Variants in SMARCC1 observed in about 807,000 individuals in gnomAD.
SMARCC1 encodes SWI/SNF complex subunit SMARCC1.
SMARCC1 carries 43 observed loss-of-function variants against 147.4 expected under a neutral mutation model. That is an observed-to-expected ratio of 0.29 (90% confidence interval 0.23 to 0.38). The LOEUF is 0.38. Ranked by LOEUF, SMARCC1 falls within the 10% of genes least tolerant of loss-of-function variation. The pLI, the probability that SMARCC1 is intolerant of heterozygous loss-of-function variation, is 1.00. For missense variants in SMARCC1, 1,119 were observed against 1,381.1 expected, an observed-to-expected ratio of 0.81 and a Z score of 3.01; for synonymous variants, 495 against 484.4, an observed-to-expected ratio of 1.02 and a Z score of -0.29.
chr3:47,701,186 A>G, intron 11 of SMARCC1, 92 bp downstream of exon 11: 1 of 1,053,560 alleles, frequency 9.5e-7, no homozygotes, highest in Non-Finnish European at 1.4e-6. Context: ...AAAGTCGAGA[A>G]CTGTGGACCC....
chr3:47,602,857 T>C (rs927025774), intron 26 of SMARCC1, among the ~76,000 whole-genome samples: 3 of 152,166 alleles, frequency 2.0e-5, no homozygotes, highest in Admixed American at 6.5e-5. Context: ...TTATTACAAA[T>C]GCCTAGGACG....
rs2034249756 is a variant in SMARCC1, at chr3:47,722,880, G to C, written c.647-2145C>G. Among the ~76,000 whole-genome samples, 4 of 152,166 alleles carry C rather than the reference G, an allele frequency of 2.6e-5. No homozygotes were observed. In the South Asian group the frequency reaches 8.3e-4, roughly 32 times the overall value. Reference sequence around the variant, plus strand: ...TCAAGAGGTAGAAGACAGGAACAAGGGGAAGCCTAAGCCAAAGCCTGCATT... The same window carrying C: ...TCAAGAGGTAGAAGACAGGAACAAGCGGAAGCCTAAGCCAAAGCCTGCATT... On this transcript the variant is annotated intron_variant, in intron 6 of 27. Transcript: ENST00000254480.
intron 13 of SMARCC1, among the ~76,000 whole-genome samples, chr3:47,686,768 T>C (rs921408321): frequency 4.6e-5 from 7 of 152,174 alleles, no homozygotes; most frequent in Admixed American, 3.3e-4. Flanking sequence ...GAGGATCACT[T>C]GAGACCAAAA....
At chr3:47,640,677 CATA>C (rs2033036813) in intron 21 of SMARCC1, among the ~76,000 whole-genome samples, 2 of 152,046 alleles carry the variant, frequency 1.3e-5, no homozygotes, top group African/African-American at 4.8e-5. Context: ...TACAATCTTA[CATA>C]ATATTTCCTA....
At chr3:47,644,077 G>T (rs758854635) in intron 21 of SMARCC1, among the ~76,000 whole-genome samples, 1 of 152,054 alleles carries the variant, frequency 6.6e-6, no homozygotes, top group Non-Finnish European at 1.5e-5. Context: ...GGCTACTTGG[G>T]AGGCCGAGGA....
chr3:47,756,533 C>CAAAA (rs11353915), intron 2 of SMARCC1, among the ~76,000 whole-genome samples: 7 of 83,104 alleles, frequency 8.4e-5, no homozygotes, highest in Admixed American at 1.5e-4. Context: ...AACTCCGTCT[C>CAAAA]AAAAAAAAAA....
intron 1 of SMARCC1, among the ~76,000 whole-genome samples, chr3:47,777,780 G>A (rs768412858): frequency 2.6e-5 from 4 of 151,356 alleles, no homozygotes; most frequent in Admixed American, 6.6e-5. Flanking sequence ...CACCGGCCTC[G>A]GTCTCCCAAG....
chr3:47,770,946 C>CT (rs2034906315), intron 2 of SMARCC1, among the ~76,000 whole-genome samples: 1 of 152,150 alleles, frequency 6.6e-6, no homozygotes, highest in South Asian at 2.1e-4. Context: ...GAGTCTCACT[C>CT]TGTCGCCCAG....
At chr3:47,756,605 T>G (rs2034701160) in intron 2 of SMARCC1, among the ~76,000 whole-genome samples, 2 of 151,734 alleles carry the variant, frequency 1.3e-5, no homozygotes, top group South Asian at 4.2e-4. Context: ...ACAGAAAAAT[T>G]TTACTAAATT....
chr3:47,614,653 A>C (rs1576387995), intron 25 of SMARCC1, among the ~76,000 whole-genome samples: 1 of 152,100 alleles, frequency 6.6e-6, no homozygotes, highest in Non-Finnish European at 1.5e-5. Flanking sequence ...CACGGCTGAC[A>C]CCCTGGTCCA....
intron 1 of SMARCC1, 150 bp downstream of exon 1, chr3:47,781,453 C>A (rs2035047056): frequency 9.2e-6 from 4 of 435,210 alleles, no homozygotes; most frequent in Admixed American, 9.5e-5. Flanking sequence ...GCGCCCAGAG[C>A]GGGCGGCGGG....
At position 47,637,688 on chromosome 3, in the gene SMARCC1, T is replaced by G. The variant is rs187960973; in HGVS notation, c.2376+1037A>C. 4.7e-5 allele frequency among the ~76,000 whole-genome samples: 7 copies of G among 148,516 alleles called. 1 individual carries two copies. In the South Asian group the frequency reaches 6.5e-4, roughly 14 times the overall value. ...GATTGCGTTGCTGCATTCCAGCCTG[T>G]GCGACAGAGTGAGACTCTGTCTCAA... On this transcript the variant is annotated intron_variant, in intron 22 of 27. Coordinates refer to ENST00000254480, the MANE Select transcript of SMARCC1 (RefSeq NM_003074.4).
intron 26 of SMARCC1, among the ~76,000 whole-genome samples, chr3:47,600,998 T>TGAGAGA (rs66582985): frequency 0.073 from 6,192 of 84,880 alleles, 830 homozygotes; most frequent in East Asian, 0.14. Context: ...AGGAAGAAAA[T>TGAGAGA]GAGAGAGAGA....
At chr3:47,703,499 C>T (rs942283684) in intron 10 of SMARCC1, among the ~76,000 whole-genome samples, 2 of 151,042 alleles carry the variant, frequency 1.3e-5, no homozygotes, top group African/African-American at 4.9e-5. Context: ...TCTTGTCTGG[C>T]AAAAATAAAT....
chr3:47,689,222 T>C (rs1212153640), intron 13 of SMARCC1, among the ~76,000 whole-genome samples, 165 bp downstream of exon 13: 1 of 152,118 alleles, frequency 6.6e-6, no homozygotes, highest in Non-Finnish European at 1.5e-5. Flanking sequence ...GTTCTTATAT[T>C]GTATTTGTTT....
intron 3 of SMARCC1, 108 bp from the exon 4 acceptor site, chr3:47,738,218 A>G (rs2034468661): frequency 1.5e-6 from 1 of 659,940 alleles, no homozygotes; most frequent in Non-Finnish European, 2.6e-6. Flanking sequence ...GAAAATTAAA[A>G]TAACTCTACA....
chr3:47,727,083 C>G (rs1352569983), intron 6 of SMARCC1, among the ~76,000 whole-genome samples: 1 of 151,870 alleles, frequency 6.6e-6, no homozygotes, highest in Non-Finnish European at 1.5e-5. Flanking sequence ...TGTGGTGGTG[C>G]ACTCCTGTAG....
At chr3:47,742,090 G>A (rs1350423173) in intron 3 of SMARCC1, among the ~76,000 whole-genome samples, 2 of 152,056 alleles carry the variant, frequency 1.3e-5, no homozygotes, top group Non-Finnish European at 2.9e-5. Flanking sequence ...GTTTGCTTCT[G>A]ATGCCCTTTT....
chr3:47,714,153 C>T (rs1444086094), intron 8 of SMARCC1, among the ~76,000 whole-genome samples: 3 of 152,172 alleles, frequency 2.0e-5, no homozygotes, highest in Admixed American at 1.3e-4. Flanking sequence ...CACCCGAGGT[C>T]GGGAGGCTGA....
Sources: allele counts gnomAD v4.1 joint callset (sites outside exome capture counted in the v4.1 genomes callset), GRCh38; gene constraint gnomAD v4.1.1; transcripts MANE v1.5; gene names NCBI Gene and HGNC (gene_info 2026-07-23, HGNC 2026-07-21).